Variants in SPON2 observed in about 807,000 individuals in gnomAD.
SPON2 encodes the protein spondin-2.
SPON2 carries 32 observed loss-of-function variants against 29.9 expected under a neutral mutation model. The ratio of observed to expected loss-of-function variants is 1.07; its 90% confidence interval spans 0.81 to 1.44. The LOEUF is 1.44. Ranked by LOEUF, SPON2 falls within the 40% of genes most tolerant of loss-of-function variation. The pLI is 0.00. For missense variants in SPON2, 541 were observed against 455.5 expected (o/e 1.19, Z -1.71); for synonymous variants, 248 against 209.1 (o/e 1.19, Z -1.61).
chr4:1,171,435 C>G lies in SPON2; in HGVS notation c.272G>C (p.Ser91Thr). The G allele has an allele frequency of 2.5e-6, 4 of 1,612,320 alleles. No individual in the cohort carries two copies. The highest frequency in any genetic ancestry group is 3.4e-6 in the Non-Finnish European group (4 of 1,179,786). Residue 91 changes from serine to threonine, a missense_variant, in exon 3 of 6, where the codon AGT becomes ACT. Transcript: ENST00000290902. ...YSMWRKNQYV[S>T]NGLRDFAERG... ...CTCCGCAAAGTCGCGCAGCCCGTTA[C>G]TGACGTACTGGTTCTTCCTCCACAT...
chr4:1,204,828 CCCG>C (rs987839801), intron 1 of SPON2, among the ~76,000 whole-genome samples: 1 of 152,162 alleles, frequency 6.6e-6, no homozygotes, highest in Non-Finnish European at 1.5e-5. Flanking sequence ...TATAGATGTG[CCCG>C]CCGTTTGCTC....
At chr4:1,170,289 G>A (rs1259030725) in intron 5 of SPON2, 113 bp downstream of exon 5, 8 of 957,704 alleles carry the variant, frequency 8.4e-6, no homozygotes, top group Non-Finnish European at 1.3e-5. Context: ...CTTGCAGTAC[G>A]CACTACGAAT....
chr4:1,176,505 CCACACAGTACATTGATT>C (rs1333809567), upstream of SPON2, among the ~76,000 whole-genome samples: 442 of 152,078 alleles, frequency 2.9e-3, no homozygotes, highest in Middle Eastern at 6.8e-3. Context: ...ATGCAATCAT[CCACACAGTACATTGATT>C]CACACAGTAC....
chr4:1,173,632 C>T (rs1165504287), upstream of SPON2, among the ~76,000 whole-genome samples: 1 of 152,252 alleles, frequency 6.6e-6, no homozygotes, highest in Non-Finnish European at 1.5e-5. Flanking sequence ...GGCCTCTGCT[C>T]ATCGGAATCA....
At chr4:1,167,888 G>A (rs1365729859) in intron 5 of SPON2, 3 of 460,474 alleles carry the variant, frequency 6.5e-6, no homozygotes, top group African/African-American at 4.0e-5. Context: ...AAGAGCCGGA[G>A]CTGCCGCTCA....
At chr4:1,201,044 G>C (rs1728190266) in intron 1 of SPON2, 1 of 453,178 alleles carries the variant, frequency 2.2e-6, no homozygotes, top group Non-Finnish European at 4.5e-6. Context: ...GAGGCTTCCT[G>C]GCCCTTCCCC....
chr4:1,174,444 G>A (rs1298359515), upstream of SPON2, among the ~76,000 whole-genome samples: 4 of 143,018 alleles, frequency 2.8e-5, no homozygotes, highest in African/African-American at 1.1e-4. Flanking sequence ...CCAAGATCGC[G>A]CCACTGCAGT....
chr4:1,203,754 G>T (rs1728272320), intron 1 of SPON2, among the ~76,000 whole-genome samples: 1 of 152,210 alleles, frequency 6.6e-6, no homozygotes, highest in Non-Finnish European at 1.5e-5. Context: ...TGGGTGTGAG[G>T]TGTGGTCTCG....
intron 1 of SPON2, among the ~76,000 whole-genome samples, chr4:1,188,738 G>A (rs1035071618): frequency 1.3e-5 from 2 of 152,144 alleles, no homozygotes; most frequent in Non-Finnish European, 2.9e-5. Context: ...GAGACTTCCA[G>A]CTTTCAATAG....
chr4:1,171,879 G>A lies in SPON2; in HGVS notation c.193C>T (p.Pro65Ser). The A allele has an allele frequency of 3.1e-6, 5 of 1,612,868 alleles. No individual in the cohort carries two copies. Among genetic ancestry groups the A allele is most frequent in the Non-Finnish European group, 4.2e-6 (5 of 1,179,846 alleles). The change falls in exon 2 of 6, where the codon CCC (proline) becomes TCC (serine). Residue 65 changes from proline to serine, a missense_variant. Coordinates refer to ENST00000290902, the MANE Select transcript of SPON2 (RefSeq NM_012445.4). Reference protein sequence around the residue: ...AFPKQYPLFRPPAQWSSLLGA... With the variant: ...AFPKQYPLFRSPAQWSSLLGA... The stretch of plus-strand genomic sequence containing the variant: ...AGCAGCGAAGACCACTGCGCAGGGG[G>A]GCGGAACAGGGGGTACTGCTTGGGG...
At chr4:1,207,663 G>A (rs527519490) in intron 1 of SPON2, among the ~76,000 whole-genome samples, 35 of 150,606 alleles carry the variant, frequency 2.3e-4, no homozygotes, top group African/African-American at 8.2e-4. Context: ...ACCATGCGCC[G>A]CGCTTACACA....
At chr4:1,200,473 G>T (rs968363893) in intron 1 of SPON2, among the ~76,000 whole-genome samples, 1 of 152,156 alleles carries the variant, frequency 6.6e-6, no homozygotes, top group Admixed American at 6.5e-5. Flanking sequence ...TGGTGTCAGA[G>T]CAGGGGAGGC....
upstream of SPON2, among the ~76,000 whole-genome samples, chr4:1,198,086 C>T (rs1008615316): frequency 2.0e-5 from 3 of 151,898 alleles, no homozygotes; most frequent in Non-Finnish European, 4.4e-5. Flanking sequence ...ATGACTACCT[C>T]TATTTAGAAT....
At chr4:1,189,098 G>C (rs993187575) in intron 1 of SPON2, among the ~76,000 whole-genome samples, 2 of 152,108 alleles carry the variant, frequency 1.3e-5, no homozygotes, top group Admixed American at 1.3e-4. Flanking sequence ...GGGCAAAGAA[G>C]CATTCACAAG....
At chr4:1,193,790 TGGGGGGGTGGCGTG>T in intron 1 of SPON2, among the ~76,000 whole-genome samples, 1 of 2,024 alleles carries the variant, frequency 4.9e-4, no homozygotes, top group East Asian at 7.0e-3. Flanking sequence ...GGGAAGGACG[TGGGGGGGTGGCGTG>T]GGAAGGACGT....
intron 1 of SPON2, among the ~76,000 whole-genome samples, chr4:1,184,149 C>T (rs901930999): frequency 6.6e-5 from 10 of 151,984 alleles, no homozygotes; most frequent in South Asian, 2.1e-4. Flanking sequence ...GCTAATTTTT[C>T]GTAGAGACCA....
chr4:1,187,484 A>G (rs1234350433), intron 1 of SPON2, among the ~76,000 whole-genome samples: 2 of 152,218 alleles, frequency 1.3e-5, no homozygotes, highest in East Asian at 3.8e-4. Context: ...ATGCCACTCA[A>G]CTGTACACTT....
At chr4:1,208,060 T>G (rs1728390278) in exon 1 of SPON2, 1 of 152,538 alleles carries the variant, frequency 6.6e-6, no homozygotes, top group South Asian at 2.1e-4. Context: ...CAGGGCCCAG[T>G]GGCCAGATGG....
At chr4:1,181,512 A>C (rs977761347) in intron 1 of SPON2, among the ~76,000 whole-genome samples, 3 of 152,238 alleles carry the variant, frequency 2.0e-5, no homozygotes. Context: ...TGGTGGAGCA[A>C]TAAGCACCAG....
Sources: allele counts gnomAD v4.1 joint callset (sites outside exome capture counted in the v4.1 genomes callset), GRCh38; gene constraint gnomAD v4.1.1; transcripts MANE v1.5; gene names NCBI Gene and HGNC (gene_info 2026-07-23, HGNC 2026-07-21).